ZNF532: variants seen among roughly 807,000 people sequenced by gnomAD.
ZNF532 encodes zinc finger protein 532.
ZNF532 carries 22 observed loss-of-function variants against 89.3 expected under a neutral mutation model. The observed-to-expected ratio is 0.25, with a 90% CI of 0.18 to 0.35. ZNF532 has a LOEUF of 0.35. Among genes scored for constraint, ZNF532 ranks in the 10% least tolerant of loss-of-function variants. The pLI is 1.00. For missense variants in ZNF532, 1,132 were observed against 1,643.4 expected, an observed-to-expected ratio of 0.69 and a Z score of 5.38; for synonymous variants, 606 against 649.6, an observed-to-expected ratio of 0.93 and a Z score of 1.02.
intron 2 of ZNF532, among the ~76,000 whole-genome samples, chr18:58,880,763 CGCGCGCGCGTCT>C (rs1209178620): frequency 4.2e-5 from 5 of 119,624 alleles, no homozygotes; most frequent in Admixed American, 1.9e-4. Context: ...CGCGCGCGCA[CGCGCGCGCGTCT>C]GTGTGTGTGT....
chr18:58,937,173 TAAAG>T (rs1284771324), intron 4 of ZNF532, among the ~76,000 whole-genome samples: 7 of 152,216 alleles, frequency 4.6e-5, no homozygotes, highest in South Asian at 2.1e-4. Context: ...ATTCAAAAAA[TAAAG>T]AAACTTTATT....
intron 2 of ZNF532, among the ~76,000 whole-genome samples, chr18:58,906,098 GGTT>G (rs1323438967): frequency 6.6e-6 from 1 of 152,168 alleles, no homozygotes; most frequent in Non-Finnish European, 1.5e-5. Context: ...ACCTGGCTGA[GGTT>G]GTGTTCATCA....
intron 2 of ZNF532, among the ~76,000 whole-genome samples, chr18:58,878,195 C>G (rs2057591778): frequency 1.3e-5 from 2 of 151,898 alleles, no homozygotes; most frequent in African/African-American, 4.8e-5. Context: ...GCAGGAGTTG[C>G]AGTGAGCTGA....
At chr18:58,871,931 A>G (rs1196065660) in intron 2 of ZNF532, among the ~76,000 whole-genome samples, 1 of 152,268 alleles carries the variant, frequency 6.6e-6, no homozygotes, top group Non-Finnish European at 1.5e-5. Flanking sequence ...TGAGAAAATC[A>G]AAGCAAATTG....
At chr18:58,875,830 A>G (rs1424503172) in intron 2 of ZNF532, among the ~76,000 whole-genome samples, 1 of 152,024 alleles carries the variant, frequency 6.6e-6, no homozygotes, top group African/African-American at 2.4e-5. Flanking sequence ...TTTTCCGTGT[A>G]AAAGCTCCAG....
rs1415118077 is a variant in ZNF532, at chr18:58,920,631, C to A, written c.2344C>A (p.Gln782Lys). The A allele has an allele frequency of 6.4e-7, 1 of 1,571,072 alleles. No homozygotes were observed. The highest frequency in any genetic ancestry group is 1.8e-5 in the Admixed American group (1 of 54,782). Residue 782 changes from glutamine to lysine, a missense_variant and splice_region_variant, in exon 3 of 10, where the codon CAA (glutamine) becomes AAA (lysine). Physicochemically the swap from Gln to Lys is moderately conservative, Grantham distance 53. Coordinates refer to ENST00000591808, the MANE Select transcript of ZNF532 (RefSeq NM_001375912.1). Reference protein sequence around the residue: ...HFQQAADTSGQKTCTICQMLL... With the variant: ...HFQQAADTSGKKTCTICQMLL... The stretch of plus-strand genomic sequence containing the variant: ...CCAGCAGGCTGCAGATACGAGTGGA[C>A]AAGTAGAGTATCATTTAAATTTTTG...
At chr18:58,902,166 C>T (rs888963695) in intron 2 of ZNF532, among the ~76,000 whole-genome samples, 4 of 152,084 alleles carry the variant, frequency 2.6e-5, no homozygotes, top group South Asian at 2.1e-4. Context: ...GGTCTGTGAG[C>T]CCGGCCCTGT....
intron 2 of ZNF532, among the ~76,000 whole-genome samples, chr18:58,896,179 C>A (rs939479192): frequency 6.6e-6 from 1 of 152,062 alleles, no homozygotes; most frequent in Non-Finnish European, 1.5e-5. Flanking sequence ...AACTTTCTTC[C>A]CTGTTAAATC....
intron 7 of ZNF532, 131 bp from the exon 8 acceptor site, chr18:58,978,924 C>CA: frequency 1.5e-6 from 1 of 685,400 alleles, no homozygotes. Flanking sequence ...TGTGTAGTGT[C>CA]ATGTCAACCC....
chr18:58,870,615 T>G (rs2056902261), intron 2 of ZNF532, among the ~76,000 whole-genome samples: 1 of 151,988 alleles, frequency 6.6e-6, no homozygotes, highest in Non-Finnish European at 1.5e-5. Context: ...GGCAGCCCCA[T>G]GGAGGTTGGA....
intron 7 of ZNF532, among the ~76,000 whole-genome samples, chr18:58,958,109 T>C (rs1476800323): frequency 6.6e-6 from 1 of 151,848 alleles, no homozygotes; most frequent in Non-Finnish European, 1.5e-5. Context: ...CTGGCTCTGC[T>C]AGTTATTCAG....
At chr18:58,956,466 C>T (rs1293283398) in intron 7 of ZNF532, among the ~76,000 whole-genome samples, 2 of 152,070 alleles carry the variant, frequency 1.3e-5, no homozygotes, top group African/African-American at 4.8e-5. Context: ...GTGAGAGTTC[C>T]ACCATGCCAA....
chr18:58,968,530 C>T (rs140342906), intron 7 of ZNF532, among the ~76,000 whole-genome samples: 203 of 152,326 alleles, frequency 1.3e-3, no homozygotes, highest in South Asian at 9.1e-3. Context: ...AGACCCAGGC[C>T]AGTGCCTCCC....
At chr18:58,983,753 T>C (rs991661429) in intron 9 of ZNF532, among the ~76,000 whole-genome samples, 1 of 64,744 alleles carries the variant, frequency 1.5e-5, no homozygotes, top group East Asian at 2.1e-3. Context: ...TGTGCCCCAC[T>C]GGCAGAGCAA....
intron 2 of ZNF532, among the ~76,000 whole-genome samples, chr18:58,888,727 A>AT (rs1160506169): frequency 1.1e-4 from 1 of 9,248 alleles, no homozygotes; most frequent in Non-Finnish European, 1.7e-4. Flanking sequence ...ATATATATAA[A>AT]TTATATATAT....
intron 7 of ZNF532, among the ~76,000 whole-genome samples, chr18:58,978,155 C>T (rs1478231895): frequency 6.6e-6 from 1 of 152,088 alleles, no homozygotes; most frequent in Non-Finnish European, 1.5e-5. Flanking sequence ...TAAGGAAATT[C>T]GGCTTACCTA....
intron 3 of ZNF532, among the ~76,000 whole-genome samples, chr18:58,930,712 G>A (rs1343194553): frequency 6.6e-6 from 1 of 150,902 alleles, no homozygotes; most frequent in African/African-American, 2.4e-5. Context: ...ACCAACATCT[G>A]AGAATGCTCA....
At chr18:58,923,120 T>A (rs2061251689) in intron 3 of ZNF532, among the ~76,000 whole-genome samples, 2 of 152,022 alleles carry the variant, frequency 1.3e-5, no homozygotes, top group Admixed American at 1.3e-4. Flanking sequence ...TCAGACCAGA[T>A]ACACACAAGC....
chr18:58,891,990 G>C (rs1385048162), intron 2 of ZNF532, among the ~76,000 whole-genome samples: 1 of 152,200 alleles, frequency 6.6e-6, no homozygotes, highest in Non-Finnish European at 1.5e-5. Flanking sequence ...CCATAAGCAA[G>C]GCTGGTTTAC....
Sources: gnomAD v4.1 joint callset for allele counts (sites outside exome capture counted in the v4.1 genomes callset) on GRCh38, gnomAD v4.1.1 for gene constraint, MANE v1.5 for transcripts, NCBI Gene and HGNC (gene_info 2026-07-23, HGNC 2026-07-21) for gene names.